The following MCF2L2 variants were observed in gnomAD, a reference collection of about 807,000 sequenced individuals.
MCF2L2 encodes the protein MCF.2 cell line derived transforming sequence-like 2.
Under a neutral mutation model 150.2 loss-of-function variants are expected in MCF2L2, and 102 were observed. The ratio of observed to expected loss-of-function variants is 0.68; its 90% CI spans 0.58 to 0.80. The LOEUF is 0.80. Among genes scored for constraint, MCF2L2 ranks in the 30% least tolerant of loss-of-function variants. The pLI is 0.00. For synonymous variants in MCF2L2, 465 were observed against 491.3 expected, an observed-to-expected ratio of 0.95 and a Z score of 0.71; for missense variants, 1,256 against 1,372.8, an observed-to-expected ratio of 0.91 and a Z score of 1.34.
chr3:183,320,598 C>G (rs763726672), intron 6 of MCF2L2, among the ~76,000 whole-genome samples: 12 of 152,160 alleles, frequency 7.9e-5, no homozygotes, highest in Non-Finnish European at 1.5e-4. Context: ...GGGCCTTGCT[C>G]TGGATTAGGC....
At chr3:183,310,595 C>G (rs1729325422) in intron 9 of MCF2L2, 1 of 316,098 alleles carries the variant, frequency 3.2e-6, no homozygotes, top group Non-Finnish European at 6.2e-6. Flanking sequence ...CCCAGAAGAT[C>G]AAAGCTGCAG....
intron 21 of MCF2L2, among the ~76,000 whole-genome samples, chr3:183,217,821 G>T (rs1723001119): frequency 6.6e-6 from 1 of 152,144 alleles, no homozygotes; most frequent in African/African-American, 2.4e-5. Flanking sequence ...TCAGCATTCA[G>T]CGGAAAAGCA....
rs914628568 is a variant in MCF2L2 at position 183,356,412 on chromosome 3, T to C, written c.276-14782A>G. Among the ~76,000 whole-genome samples the C allele has an allele frequency of 6.5e-4, 98 of 151,928 alleles. 1 individual carries two copies. Among genetic ancestry groups the C allele is most frequent in the Non-Finnish European group, 1.2e-4 (8 of 67,946 alleles). On this transcript the variant is annotated intron_variant, in intron 3 of 29. Coordinates refer to ENST00000328913, the MANE Select transcript of MCF2L2 (RefSeq NM_015078.4). ...CCTGTAGTCCCAGCTACTCAGGAGGTTGAAGCAGGAGAATTGTTTGAACCC... is the reference window on the plus strand; with the variant it reads ...CCTGTAGTCCCAGCTACTCAGGAGGCTGAAGCAGGAGAATTGTTTGAACCC...
rs947539124 is a variant in MCF2L2, at chr3:183,197,538, A to G, written c.2885-2283T>C. Among the ~76,000 whole-genome samples the G allele has an allele frequency of 2.6e-5, 4 of 152,188 alleles. No homozygotes were observed. The highest frequency in any genetic ancestry group is 9.6e-5 in the African/African-American group (4 of 41,466). ...ACTTCTGGAAGAAAACACAGGGAGA[A>G]AATCTTTATGGCTTTTAGATAACGA... On this transcript the variant is annotated intron_variant, in intron 25 of 29. Transcript: ENST00000328913. This position sits in a 1 kb window ranked among gnomAD's most constrained non-coding sequence, Gnocchi z 4.5.
chr3:183,267,386 C>T lies in MCF2L2; in HGVS notation c.1862+9486G>A, dbSNP rs1576998630. On this transcript the variant is annotated intron_variant, in intron 15 of 29. Transcript: ENST00000328913. This position sits in a 1 kb window ranked among gnomAD's most constrained non-coding sequence, Gnocchi z 5.5. ...TTTACATACCTGGCCTTTGCCTCCACCCTGATGTGGAGTGATCATGGGGGT... is the reference window on the plus strand; with the variant it reads ...TTTACATACCTGGCCTTTGCCTCCATCCTGATGTGGAGTGATCATGGGGGT... 6.6e-6 allele frequency among the ~76,000 whole-genome samples: 1 copy of T among 152,350 alleles called. No individual in the cohort carries two copies. Among genetic ancestry groups the T allele is most frequent in the Non-Finnish European group, 1.5e-5 (1 of 68,040 alleles).
chr3:183,406,428 T>G (rs901015187), intron 1 of MCF2L2, among the ~76,000 whole-genome samples: 1 of 152,244 alleles, frequency 6.6e-6, no homozygotes, highest in Admixed American at 6.5e-5. Flanking sequence ...ATTTTATTAC[T>G]CAGCTTGAGA....
At chr3:183,241,326 C>A (rs1421793487) in intron 15 of MCF2L2, among the ~76,000 whole-genome samples, 1 of 152,154 alleles carries the variant, frequency 6.6e-6, no homozygotes, top group African/African-American at 2.4e-5. Flanking sequence ...ATTCTGTGTA[C>A]TGGCAAATTC....
intron 15 of MCF2L2, among the ~76,000 whole-genome samples, chr3:183,234,436 G>C (rs1231750502): frequency 1.3e-5 from 2 of 152,066 alleles, no homozygotes; most frequent in Admixed American, 6.6e-5. Flanking sequence ...GTCATATTCT[G>C]GATTACAGTT....
intron 1 of MCF2L2, among the ~76,000 whole-genome samples, chr3:183,420,046 C>A (rs941074976): frequency 1.3e-5 from 2 of 152,134 alleles, no homozygotes; most frequent in African/African-American, 4.8e-5. Context: ...CAATAAGTTC[C>A]TCATCTCCAT....
At chr3:183,314,348 T>C (rs1729507865) in intron 7 of MCF2L2, among the ~76,000 whole-genome samples, 1 of 152,206 alleles carries the variant, frequency 6.6e-6, no homozygotes, top group Non-Finnish European at 1.5e-5. Context: ...TGTTCCACTG[T>C]GGATGTTTAG....
At chr3:183,275,052 A>G (rs1339358022) in intron 15 of MCF2L2, among the ~76,000 whole-genome samples, 1 of 152,020 alleles carries the variant, frequency 6.6e-6, no homozygotes, top group African/African-American at 2.4e-5. Context: ...CCTTGCCAAG[A>G]GCACTGTTTT....
chr3:183,195,304 T>G (rs577136), intron 25 of MCF2L2, 49 bp from the exon 26 acceptor site: 676,438 of 1,339,036 alleles, frequency 0.51, 172,387 homozygotes, highest in Middle Eastern at 0.56. Flanking sequence ...TAAGCTAATT[T>G]GAATTGATTT....
chr3:183,243,261 G>T (rs1724109479), intron 15 of MCF2L2, among the ~76,000 whole-genome samples: 1 of 152,086 alleles, frequency 6.6e-6, no homozygotes, highest in South Asian at 2.1e-4. Flanking sequence ...GATTTGGGAG[G>T]GGCCGGGGTG....
Position 183,294,863 on chromosome 3 carries a change from C to T in MCF2L2, c.1675+437G>A, listed in dbSNP as rs963909539. Among the ~76,000 whole-genome samples the T allele has an allele frequency of 3.9e-5, 6 of 152,002 alleles. No individual in the cohort carries two copies. The South Asian group carries it at 1.0e-3, about 26-fold the overall frequency. On this transcript the variant is annotated intron_variant, in intron 13 of 29. Coordinates refer to ENST00000328913, the MANE Select transcript of MCF2L2 (RefSeq NM_015078.4). Reference sequence around the variant, plus strand: ...CAGGATGGTCTCGATCTCCTGACCTCGTGATCTGCCCGCCTCAGGCTCCCA... The same window carrying T: ...CAGGATGGTCTCGATCTCCTGACCTTGTGATCTGCCCGCCTCAGGCTCCCA...
chr3:183,269,230 C>CATTTTTTTTTTTTTTTT (rs1726467635), intron 15 of MCF2L2, among the ~76,000 whole-genome samples: 1 of 81,030 alleles, frequency 1.2e-5, no homozygotes, highest in African/African-American at 6.4e-5. Context: ...GTTTGGGAAG[C>CATTTTTTTTTTTTTTTT]TTTTTTTTTT....
chr3:183,404,315 T>C (rs2108615062), intron 1 of MCF2L2, among the ~76,000 whole-genome samples: 1 of 152,266 alleles, frequency 6.6e-6, no homozygotes, highest in East Asian at 1.9e-4. Context: ...AAAATAGGCA[T>C]CACCAGAAGG....
chr3:183,366,142 T>C (rs533952006), intron 3 of MCF2L2, among the ~76,000 whole-genome samples: 236 of 152,200 alleles, frequency 1.6e-3, no homozygotes, highest in Non-Finnish European at 2.9e-3. Flanking sequence ...GTTTGAAATT[T>C]CAAACCTACA....
chr3:183,314,779 G>A (rs1000948011), intron 7 of MCF2L2, among the ~76,000 whole-genome samples: 1 of 148,548 alleles, frequency 6.7e-6, no homozygotes, highest in Admixed American at 6.8e-5. Flanking sequence ...ATTATTTGAC[G>A]ACATATAGAA....
At chr3:183,287,668 A>G (rs888960991) in intron 14 of MCF2L2, 1 of 152,202 alleles carries the variant, frequency 6.6e-6, no homozygotes, top group Non-Finnish European at 1.5e-5. Context: ...ATGGTGATGC[A>G]ATTCCTCCAA....
Sources: gnomAD v4.1 joint callset for allele counts (sites outside exome capture counted in the v4.1 genomes callset) on GRCh38, gnomAD v4.1.1 for gene constraint, Gnocchi (gnomAD v3.1) non-coding constraint, MANE v1.5 for transcripts, NCBI Gene and HGNC (gene_info 2026-07-23, HGNC 2026-07-21) for gene names.